The following TUSC3 variants were observed in gnomAD, a reference collection of about 807,000 sequenced individuals.
The protein encoded by TUSC3 is tumor suppressor candidate 3, also known as dolichyl-diphosphooligosaccharide--protein glycosyltransferase subunit TUSC3.
TUSC3 carries 45 observed loss-of-function variants against 44.8 expected under a neutral mutation model. The observed-to-expected ratio is 1.00, with a 90% CI of 0.79 to 1.29. The LOEUF (loss-of-function observed/expected upper bound fraction) is 1.29. Ranked by LOEUF, TUSC3 falls within the 50% of genes most tolerant of loss-of-function variation. TUSC3 has a pLI of 0.00. For synonymous variants in TUSC3, 212 were observed against 152.9 expected (o/e 1.39, Z -2.85); for missense variants, 519 against 437.9 (o/e 1.19, Z -1.65).
In TUSC3 at chr8:15,766,028, G is replaced by T. The variant is rs1812316175; in HGVS notation, c.*1872G>T. The T allele has an allele frequency of 1.3e-5, 2 of 151,992 alleles. No homozygotes were observed. Among genetic ancestry groups the T allele is most frequent in the Non-Finnish European group, 2.9e-5 (2 of 67,952 alleles). 9.4% of individuals were successfully genotyped at this position (151,992 alleles called of 1,614,324 possible). A position where few individuals can be genotyped will look rare whatever the true frequency, so the allele number is the denominator to read the frequency against. ...AATCTTTTAATCATATCAAAGTCAGGTCATCCTCAGACACTATAACTAAGA... is the reference window on the plus strand; with the variant it reads ...AATCTTTTAATCATATCAAAGTCAGTTCATCCTCAGACACTATAACTAAGA... On this transcript the variant is annotated 3_prime_UTR_variant, in exon 11 of 11. Transcript: ENST00000503731.
intron 1 of TUSC3, among the ~76,000 whole-genome samples, chr8:15,426,828 C>G (rs1007707726): frequency 4.6e-5 from 7 of 152,186 alleles, no homozygotes; most frequent in African/African-American, 1.4e-4. Context: ...GCCATAGCTA[C>G]TACACCATCA....
At chr8:15,512,885 T>C (rs1019570036) in intron 2 of TUSC3, among the ~76,000 whole-genome samples, 17 of 142,838 alleles carry the variant, frequency 1.2e-4, no homozygotes, top group Non-Finnish European at 2.0e-4. Flanking sequence ...TATATATATA[T>C]ACACACAATT....
chr8:15,441,945 C>G (rs776608349), intron 1 of TUSC3, among the ~76,000 whole-genome samples: 37 of 152,150 alleles, frequency 2.4e-4, no homozygotes, highest in Non-Finnish European at 1.2e-4. Flanking sequence ...AGGAGAAACT[C>G]CTATCCGGTC....
chr8:15,664,038 A>G (rs909637580), intron 5 of TUSC3, among the ~76,000 whole-genome samples: 2 of 151,880 alleles, frequency 1.3e-5, no homozygotes, highest in African/African-American at 4.8e-5. Context: ...AGAGCCCAGA[A>G]TTATTGCATT....
At chr8:15,465,006 T>A (rs760939756) in intron 1 of TUSC3, among the ~76,000 whole-genome samples, 1 of 152,086 alleles carries the variant, frequency 6.6e-6, no homozygotes, top group Non-Finnish European at 1.5e-5. Context: ...CCTGCCACCA[T>A]GCCCAGCTAA....
rs1451974355 is a variant in TUSC3 at position 15,504,601 on chromosome 8, ATATATATATATATATATATATTTTTT to A, written n.189+21120_189+21145del. ...AGGATATATATATATATATATATAT[ATATATATATATATATATATATTTTTT>A]TTTTTTTTTTTTTTTAAGTGGGTTT... is the stretch of plus-strand genomic sequence containing the variant. On this transcript the variant is annotated intron_variant and non_coding_transcript_variant, in intron 2 of 5. Coordinates refer to the TUSC3 transcript ENST00000503191. Among the ~76,000 whole-genome samples, 45 of 39,098 alleles carry A rather than the reference ATATATATATATATATATATATTTTTT, an allele frequency of 1.2e-3. 1 individual carries two copies. Among genetic ancestry groups the A allele is most frequent in the African/African-American group, 5.2e-3 (41 of 7,848 alleles). The allele number at this position is 39,098 out of a possible 152,430, so 25.6% of individuals were successfully genotyped here.
chr8:15,662,187 G>C lies in TUSC3; in HGVS notation c.599G>C (p.Gly200Ala). 4 of 1,612,978 alleles carry C rather than the reference G, an allele frequency of 2.5e-6. No homozygotes were observed. Among genetic ancestry groups the C allele is most frequent in the Non-Finnish European group, 3.4e-6 (4 of 1,179,292 alleles). ...GTTTTCAGACCACCCAACTACTCTG[G>C]TACCATTGCTTTGGCCCTGTTAGTG... ...IRVFRPPNYS[G>A]TIALALLVSL... is the part of the protein sequence containing the mutation. The change falls in exon 5 of 11, where the codon GGT (glycine) becomes GCT (alanine). Residue 200 changes from glycine (G) to alanine (A), a missense_variant. Gly to Ala is a moderately conservative substitution (Grantham distance 60, BLOSUM62 0). Coordinates refer to ENST00000503731, the MANE Select transcript of TUSC3 (RefSeq NM_006765.4).
chr8:15,749,978 G>A (rs553855440), intron 9 of TUSC3, among the ~76,000 whole-genome samples: 41 of 147,626 alleles, frequency 2.8e-4, no homozygotes, highest in Non-Finnish European at 5.7e-4. Context: ...AAGTGATACT[G>A]TGAGATTTTT....
At chr8:15,784,615 C>A in the TUSC3 span, among the ~76,000 whole-genome samples, 1 of 151,876 alleles carries the variant, frequency 6.6e-6, no homozygotes, top group South Asian at 2.1e-4. Context: ...TTTGCAACAA[C>A]AGAGATGAAT....
chr8:15,827,729 C>T, the TUSC3 span, among the ~76,000 whole-genome samples: 2 of 152,018 alleles, frequency 1.3e-5, no homozygotes, highest in South Asian at 2.1e-4. Context: ...GAACCATTTG[C>T]CCCAGAAAAA....
the TUSC3 span, among the ~76,000 whole-genome samples, chr8:15,789,265 C>T: frequency 1.3e-5 from 2 of 152,160 alleles, no homozygotes; most frequent in African/African-American, 4.8e-5. Flanking sequence ...TTGCAATGTT[C>T]AGTGTACCGT....
intron 5 of TUSC3, among the ~76,000 whole-genome samples, chr8:15,672,313 G>T (rs1243472109): frequency 6.6e-6 from 1 of 152,028 alleles, no homozygotes; most frequent in Non-Finnish European, 1.5e-5. Context: ...GGTTTAGAAA[G>T]ATTGATACCA....
rs57133354 is a variant in TUSC3, at chr8:15,724,704, T to C, written c.799-5962T>C. Among the ~76,000 whole-genome samples the C allele has an allele frequency of 9.9e-3, 1,513 of 152,266 alleles. 24 individuals carry two copies. Among genetic ancestry groups the C allele is most frequent in the African/African-American group, 0.035 (1,465 of 41,562 alleles). ...CCATTGCCCTTGTTCTGGCAGGTAG[T>C]GAATAAAGGACTGAAACAGGCTGAA... On this transcript the variant is annotated intron_variant, in intron 6 of 10. Transcript: ENST00000503731.
chr8:15,653,510 G>C (rs1385125146), intron 3 of TUSC3, among the ~76,000 whole-genome samples: 6 of 152,100 alleles, frequency 3.9e-5, no homozygotes, highest in Non-Finnish European at 5.9e-5. Flanking sequence ...TTATTCTAAA[G>C]TTTGGCGTAT....
chr8:15,537,043 C>G (rs1348146280), upstream of TUSC3, among the ~76,000 whole-genome samples: 1 of 152,288 alleles, frequency 6.6e-6, no homozygotes, highest in African/African-American at 2.4e-5. Context: ...TCCCCTTTCC[C>G]CTTTGTTTTT....
upstream of TUSC3, among the ~76,000 whole-genome samples, chr8:15,539,342 G>GTTCTT (rs1801591761): frequency 1.1e-5 from 1 of 88,902 alleles, no homozygotes; most frequent in Non-Finnish European, 2.4e-5. Context: ...TGCTGCTATG[G>GTTCTT]TTCTTTTTTT....
chr8:15,541,364 AT>A (rs1801685519), intron 1 of TUSC3, among the ~76,000 whole-genome samples: 1 of 152,170 alleles, frequency 6.6e-6, no homozygotes, highest in Admixed American at 6.5e-5. Flanking sequence ...AAAAATAGTT[AT>A]TTCGGGAATG....
chr8:15,785,713 C>T, the TUSC3 span, among the ~76,000 whole-genome samples: 2 of 152,052 alleles, frequency 1.3e-5, no homozygotes, highest in African/African-American at 4.8e-5. Flanking sequence ...TATTAATGGG[C>T]CTCACGTGGA....
intron 1 of TUSC3, among the ~76,000 whole-genome samples, chr8:15,612,920 G>A (rs1475151007): frequency 6.6e-6 from 1 of 151,988 alleles, no homozygotes; most frequent in South Asian, 2.1e-4. Flanking sequence ...ATCTTCTGCA[G>A]TGAATTTAAA....
Sources: allele counts gnomAD v4.1 joint callset (sites outside exome capture counted in the v4.1 genomes callset), GRCh38; gene constraint gnomAD v4.1.1; transcripts MANE v1.5; gene names NCBI Gene and HGNC (gene_info 2026-07-23, HGNC 2026-07-21).